Variants in STX17 observed in about 807,000 individuals in gnomAD.
STX17 encodes the protein syntaxin-17.
In STX17, 29 loss-of-function variants were observed where a neutral mutation model predicts 35.9. The observed-to-expected ratio is 0.81, with a 90% CI of 0.60 to 1.10. STX17 has a LOEUF of 1.10. Among genes scored for constraint, STX17 ranks in the 50% least tolerant of loss-of-function variants. The probability of loss-of-function intolerance (pLI) is 0.00; values close to 1 mark genes in which losing one functional copy is unlikely to be tolerated. For synonymous variants in STX17, 92 were observed against 118.3 expected (o/e 0.78, Z 1.44); for missense variants, 312 against 352.3 (o/e 0.89, Z 0.92).
chr9:99,921,413 T>TAAATTA (rs1234949390), intron 2 of STX17, among the ~76,000 whole-genome samples: 1 of 152,178 alleles, frequency 6.6e-6, no homozygotes, highest in Non-Finnish European at 1.5e-5. Context: ...TGCTGGACTT[T>TAAATTA]ACAGTTATCA....
chr9:99,931,328 C>T (rs1829117360), intron 3 of STX17, among the ~76,000 whole-genome samples: 1 of 151,928 alleles, frequency 6.6e-6, no homozygotes, highest in South Asian at 2.1e-4. Context: ...TGTTTTTTCC[C>T]TCTTTGGGAG....
At chr9:99,955,136 C>T (rs1339572690) in intron 4 of STX17, among the ~76,000 whole-genome samples, 3 of 152,082 alleles carry the variant, frequency 2.0e-5, no homozygotes, top group African/African-American at 7.2e-5. Flanking sequence ...CCATTTTTGT[C>T]TTTCTTTACT....
chr9:99,946,952 T>G (rs1482084014), intron 3 of STX17, among the ~76,000 whole-genome samples: 1 of 152,126 alleles, frequency 6.6e-6, no homozygotes, highest in East Asian at 1.9e-4. Context: ...TTCCTTTTAT[T>G]TATTCTTCTC....
chr9:99,928,554 G>A (rs1026292342), intron 2 of STX17, among the ~76,000 whole-genome samples: 1 of 151,974 alleles, frequency 6.6e-6, no homozygotes, highest in African/African-American at 2.4e-5. Context: ...AACCTGCTTA[G>A]TGGGGTTTTT....
At chr9:99,933,594 G>GT (rs1305859290) in intron 3 of STX17, among the ~76,000 whole-genome samples, 3 of 152,008 alleles carry the variant, frequency 2.0e-5, no homozygotes, top group Non-Finnish European at 4.4e-5. Context: ...GATCTTTATA[G>GT]TTTTTTGCGT....
chr9:99,908,008 G>A (rs1342843423), intron 1 of STX17, among the ~76,000 whole-genome samples: 6 of 152,146 alleles, frequency 3.9e-5, no homozygotes, highest in Non-Finnish European at 8.8e-5. Context: ...TTTGAAGAAT[G>A]CTGGTCAGTT....
chr9:99,912,621 T>C (rs1828687740), intron 1 of STX17, among the ~76,000 whole-genome samples: 1 of 152,218 alleles, frequency 6.6e-6, no homozygotes, highest in African/African-American at 2.4e-5. Context: ...TATGGATTTA[T>C]GTGTAAGCAG....
chr9:99,968,627 C>T lies in STX17; in HGVS notation c.863C>T (p.Ser288Phe). The T allele has an allele frequency of 6.2e-7, 1 of 1,613,924 alleles. No individual in the cohort carries two copies. Among genetic ancestry groups the T allele is most frequent in the Non-Finnish European group, 8.5e-7 (1 of 1,179,928 alleles). ...KKQKMMEKLTSSCPDLPSQTD... is the reference protein window; with the variant it reads ...KKQKMMEKLTFSCPDLPSQTD... ...CAGAAAATGATGGAGAAGCTCACTT[C>T]CAGCTGTCCAGATCTTCCCAGCCAA... The change falls in exon 8 of 8, where the codon TCC (serine) becomes TTC (phenylalanine). Residue 288 changes from serine (S) to phenylalanine (F), a missense_variant. Physicochemically the swap from Ser to Phe is radical, Grantham distance 155. Transcript: ENST00000259400.
intron 3 of STX17, among the ~76,000 whole-genome samples, chr9:99,948,711 C>A (rs1006219953): frequency 2.0e-5 from 3 of 152,078 alleles, no homozygotes; most frequent in Non-Finnish European, 2.9e-5. Context: ...TTTTTGTTAT[C>A]ATTGTTGCTG....
chr9:99,931,224 C>T (rs1481665653), intron 3 of STX17, among the ~76,000 whole-genome samples: 2 of 152,168 alleles, frequency 1.3e-5, no homozygotes, highest in Non-Finnish European at 2.9e-5. Flanking sequence ...TGTGATCTGC[C>T]CACCTCAGCC....
chr9:99,908,951 A>G (rs892415160), intron 1 of STX17, among the ~76,000 whole-genome samples: 2 of 152,234 alleles, frequency 1.3e-5, no homozygotes, highest in African/African-American at 4.8e-5. Context: ...GTCTAACACC[A>G]CAGGGTTCAT....
At chr9:99,942,335 A>G (rs541039623) in intron 3 of STX17, among the ~76,000 whole-genome samples, 7 of 152,120 alleles carry the variant, frequency 4.6e-5, no homozygotes, top group East Asian at 1.9e-4. Flanking sequence ...TGTTTTGCCT[A>G]TGACCCCTTT....
chr9:99,922,149 A>G (rs1349238000), intron 2 of STX17, among the ~76,000 whole-genome samples: 1 of 152,104 alleles, frequency 6.6e-6, no homozygotes, highest in African/African-American at 2.4e-5. Context: ...CACAGACCTT[A>G]AGGTTCATAG....
At chr9:99,922,926 T>C (rs1271015079) in intron 2 of STX17, among the ~76,000 whole-genome samples, 1 of 152,172 alleles carries the variant, frequency 6.6e-6, no homozygotes, top group Non-Finnish European at 1.5e-5. Flanking sequence ...ATGAATAAAC[T>C]CATCTGAATT....
At chr9:99,932,136 A>G (rs1260232387) in intron 3 of STX17, among the ~76,000 whole-genome samples, 1 of 152,180 alleles carries the variant, frequency 6.6e-6, no homozygotes, top group East Asian at 1.9e-4. Flanking sequence ...TATTCAGTAC[A>G]GGCTTTTTAG....
chr9:99,916,361 C>G (rs1450429980), intron 2 of STX17, among the ~76,000 whole-genome samples: 2 of 151,960 alleles, frequency 1.3e-5, no homozygotes, highest in East Asian at 3.9e-4. Context: ...AAGACTTTTC[C>G]CAGCATAAGT....
At chr9:99,962,966 T>C (rs1266592629) in intron 6 of STX17, among the ~76,000 whole-genome samples, 1 of 152,188 alleles carries the variant, frequency 6.6e-6, no homozygotes, top group African/African-American at 2.4e-5. Context: ...AAATTAACCA[T>C]GTATTTAAGG....
chr9:99,966,584 AAGAG>A (rs1252712914), intron 6 of STX17, among the ~76,000 whole-genome samples: 1 of 152,212 alleles, frequency 6.6e-6, no homozygotes, highest in African/African-American at 2.4e-5. Flanking sequence ...TCTAGGATCA[AAGAG>A]AGATTCTCTT....
At chr9:99,963,753 C>T (rs1441372664) in intron 6 of STX17, among the ~76,000 whole-genome samples, 1 of 152,158 alleles carries the variant, frequency 6.6e-6, no homozygotes, top group Non-Finnish European at 1.5e-5. Context: ...CCTCTGTTAG[C>T]AACATCCTAC....
Sources: gnomAD v4.1 joint callset for allele counts (sites outside exome capture counted in the v4.1 genomes callset) on GRCh38, gnomAD v4.1.1 for gene constraint, MANE v1.5 for transcripts, NCBI Gene and HGNC (gene_info 2026-07-23, HGNC 2026-07-21) for gene names.